C18orf54: variants seen among roughly 807,000 people sequenced by gnomAD.
C18orf54 encodes the protein chromosome 18 open reading frame 54.
Under a neutral mutation model 49.3 loss-of-function variants are expected in C18orf54, and 49 were observed. That is an observed-to-expected ratio of 0.99 (90% CI 0.79 to 1.26). The LOEUF (loss-of-function observed/expected upper bound fraction) is 1.26, where lower values mean the gene tolerates loss of function less well. Ranked by LOEUF, C18orf54 falls within the 50% of genes most tolerant of loss-of-function variation. The pLI is 0.00. For missense variants in C18orf54, 687 were observed against 620.6 expected, an observed-to-expected ratio of 1.11 and a Z score of -1.14; for synonymous variants, 211 against 216.6, an observed-to-expected ratio of 0.97 and a Z score of 0.23.
Position 54,374,277 on chromosome 18 carries a change from C to T in C18orf54, c.1522C>T (p.Leu508Phe), listed in dbSNP as rs2089535082. The T allele has an allele frequency of 1.3e-6, 2 of 1,578,770 alleles. No individual in the cohort carries two copies. Among genetic ancestry groups the T allele is most frequent in the Non-Finnish European group, 1.7e-6 (2 of 1,162,590 alleles). Residue 508 changes from leucine (L) to phenylalanine (F), a missense_variant, in exon 8 of 9, where the codon CTT becomes TTT. Physicochemically the swap from Leu to Phe is conservative, Grantham distance 22. Coordinates refer to ENST00000620105, the MANE Select transcript of C18orf54 (RefSeq NM_001288980.2). ...KESMIPITRS[L>F]QKALHHLSRL... ...AAGTATGATTCCTATTACTAGGTCA[C>T]TTCAGAAGTAAGTATTCTTTACTAA... is the stretch of plus-strand genomic sequence containing the variant.
chr18:54,360,593 A>C lies in C18orf54; in HGVS notation c.21A>C (p.Lys7Asn). The change falls in exon 3 of 9, where the codon AAA becomes AAC. Residue 7 changes from lysine (K) to asparagine (N), a missense_variant. Lys to Asn is a moderately conservative substitution (Grantham distance 94). Coordinates refer to ENST00000620105, the MANE Select transcript of C18orf54 (RefSeq NM_001288980.2). MAKSKT[K>N]HRLCSQESSV... ...AAGCCATGGCGAAATCAAAGACAAA[A>C]CATAGACTTTGTTCTCAGGAATCTT... is the stretch of plus-strand genomic sequence containing the variant. 6.2e-7 allele frequency: 1 copy of C among 1,613,992 alleles called. No homozygotes were observed. The highest frequency in any genetic ancestry group is 1.1e-5 in the South Asian group (1 of 91,080).
Position 54,362,322 on chromosome 18 carries a change from C to A in C18orf54, c.963C>A (p.Ser321=). 1 of 1,536,012 alleles carries A rather than the reference C, an allele frequency of 6.5e-7. No homozygotes were observed. Among genetic ancestry groups the A allele is most frequent in the Non-Finnish European group, 8.7e-7 (1 of 1,146,794 alleles). ...TTGAACCCTCAAACTTTTCAAATTCCTTGAGTGATGATAAAGAATTAGTTA... is the reference window on the plus strand; with the variant it reads ...TTGAACCCTCAAACTTTTCAAATTCATTGAGTGATGATAAAGAATTAGTTA... ...YAFEPSNFSN[S]LSDDKELVNE... The change falls in exon 4 of 9, where the codon TCC becomes TCA. Residue 321 remains serine (S), a synonymous_variant. Transcript: ENST00000620105.
intron 5 of C18orf54, 58 bp downstream of exon 5, chr18:54,362,979 A>G: frequency 6.8e-7 from 1 of 1,472,388 alleles, no homozygotes; most frequent in African/African-American, 1.4e-5. Context: ...TGTCATGCGA[A>G]TATCTGATTT....
rs1568180403 is a variant in C18orf54 at position 54,360,846 on chromosome 18, C to G, written c.274C>G (p.Pro92Ala). ...MSQFCNYIYK[P>A]NNAFENLDHK... ...ACAGTTCTGCAACTATATTTACAAA[C>G]CAAACAATGGTATGCTTTTATTCTT... The change falls in exon 3 of 9, where the codon CCA (proline) becomes GCA (alanine). Residue 92 changes from proline (P) to alanine (A), a missense_variant. By Grantham distance (27) the Pro-to-Ala change is conservative. Coordinates refer to ENST00000620105, the MANE Select transcript of C18orf54 (RefSeq NM_001288980.2). 5 of 1,610,298 alleles carry G rather than the reference C, an allele frequency of 3.1e-6. No individual in the cohort carries two copies. Among genetic ancestry groups the G allele is most frequent in the African/African-American group, 2.7e-5 (2 of 74,838 alleles).
Position 54,358,255 on chromosome 18 carries a change from T to C in C18orf54, c.-144+180T>C, listed in dbSNP as rs185667644. On this transcript the variant is annotated intron_variant, in intron 1 of 8. Coordinates refer to ENST00000620105, the MANE Select transcript of C18orf54 (RefSeq NM_001288980.2). ...CCTGAGGGAGGGCGCTTGTGGAGTCTCTGTGGAAGGAAGAACACTGTAGGG... is the reference window on the plus strand; with the variant it reads ...CCTGAGGGAGGGCGCTTGTGGAGTCCCTGTGGAAGGAAGAACACTGTAGGG... Among the ~76,000 whole-genome samples the C allele has an allele frequency of 1.4e-3, 212 of 151,980 alleles. 3 individuals are homozygous for C. The East Asian group carries it at 0.037, about 27-fold the overall frequency.
At chr18:54,376,311 C>T (rs1370718476) in intron 8 of C18orf54, among the ~76,000 whole-genome samples, 1 of 152,174 alleles carries the variant, frequency 6.6e-6, no homozygotes, top group African/African-American at 2.4e-5. Flanking sequence ...TATGTGTTCT[C>T]TAGGAAGACT....
At chr18:54,362,950 T>G in intron 5 of C18orf54, 29 bp downstream of exon 5, 1 of 1,567,756 alleles carries the variant, frequency 6.4e-7, no homozygotes, top group Non-Finnish European at 8.6e-7. Flanking sequence ...AAAAACTGTT[T>G]AGTTTTCCAA....
rs1338913212 is a variant in C18orf54 at position 54,362,431 on chromosome 18, G to A, written c.1072G>A (p.Gly358Ser). The A allele has an allele frequency of 6.7e-7, 1 of 1,488,112 alleles. No individual in the cohort carries two copies. The highest frequency in any genetic ancestry group is 2.5e-5 in the East Asian group (1 of 40,436). The allele number at this position is 1,488,112 out of a possible 1,614,324, so 92.2% of individuals were successfully genotyped here. ...AGGACAATCCACAAAGCCATTCAGT[G>A]GTAATACTTTGTTTATTGCTTATAG... ...LPGQSTKPFS[G>S]DKIELLILKA... Residue 358 changes from glycine (G) to serine (S), a missense_variant and splice_region_variant, in exon 4 of 9, where the codon GGT (glycine) becomes AGT (serine). Transcript: ENST00000620105.
At chr18:54,377,356 C>G (rs2089593541) in intron 8 of C18orf54, among the ~76,000 whole-genome samples, 1 of 152,146 alleles carries the variant, frequency 6.6e-6, no homozygotes, top group Non-Finnish European at 1.5e-5. Context: ...TCCGGCCCTT[C>G]CTGCACATCT....
rs1339326371 is a variant in C18orf54 at position 54,362,049 on chromosome 18, A to T, written c.690A>T (p.Glu230Asp). ...AATCGTCTTTCAAGGACAGTTCAGA[A>T]CACAGTCTTGAAAAGAATTACCCAA... is the stretch of plus-strand genomic sequence containing the variant. The part of the protein sequence containing the change: ...PKKSSFKDSS[E>D]HSLEKNYPRW... Residue 230 changes from glutamate to aspartate, a missense_variant, in exon 4 of 9, where the codon GAA (glutamate) becomes GAT (aspartate). By Grantham distance (45) the Glu-to-Asp change is conservative (BLOSUM62 2). Coordinates refer to ENST00000620105, the MANE Select transcript of C18orf54 (RefSeq NM_001288980.2). 6.4e-7 allele frequency: 1 copy of T among 1,566,610 alleles called. No homozygotes were observed. Among genetic ancestry groups the T allele is most frequent in the Non-Finnish European group, 8.6e-7 (1 of 1,156,776 alleles).
rs2089255822 is a variant in C18orf54 at position 54,360,861 on chromosome 18, C to G, written c.283+6C>G. 2 of 1,602,262 alleles carry G rather than the reference C, an allele frequency of 1.2e-6. No homozygotes were observed. The highest frequency in any genetic ancestry group is 2.7e-5 in the African/African-American group (2 of 74,550). On this transcript the variant is annotated splice_donor_region_variant and intron_variant, in intron 3 of 8. Transcript: ENST00000620105. ...TATTTACAAACCAAACAATGGTATG[C>G]TTTTATTCTTTGTTTTCTTTGTGTT...
chr18:54,377,467 C>G (rs897602173), intron 8 of C18orf54, among the ~76,000 whole-genome samples: 2 of 151,980 alleles, frequency 1.3e-5, no homozygotes, highest in Non-Finnish European at 2.9e-5. Flanking sequence ...CCTCCAGGAA[C>G]TGAAATATAG....
At chr18:54,378,092 T>TTTAG in intron 8 of C18orf54, 82 bp from the exon 9 acceptor site, 1 of 907,314 alleles carries the variant, frequency 1.1e-6, no homozygotes, top group East Asian at 3.2e-5. Flanking sequence ...AATAGTCAAC[T>TTTAG]TTATTTATTT....
chr18:54,374,102 G>A (rs4940327), intron 7 of C18orf54, 112 bp from the exon 8 acceptor site: 870,325 of 923,880 alleles, frequency 0.94, 410,145 homozygotes, highest in East Asian at 1. Flanking sequence ...AATTAGAATT[G>A]TTTGGAAATG....
rs963335966 is a variant in C18orf54 at position 54,379,184 on chromosome 18, A to G, written c.*938A>G. 6 of 152,120 alleles carry G rather than the reference A, an allele frequency of 3.9e-5. No individual in the cohort carries two copies. Among genetic ancestry groups the G allele is most frequent in the East Asian group, 1.9e-4 (1 of 5,196 alleles). 9.4% of individuals were successfully genotyped at this position (152,120 alleles called of 1,614,324 possible). ...TCTAGCTAGAACTGAACAAAGCTCT[A>G]TAATTTTTACCAAGCACTTATTATT... On this transcript the variant is annotated 3_prime_UTR_variant, in exon 9 of 9. Coordinates refer to ENST00000620105, the MANE Select transcript of C18orf54 (RefSeq NM_001288980.2).
rs529630981 is a variant in C18orf54, at chr18:54,367,315, C to T, written c.1326+1494C>T. On this transcript the variant is annotated intron_variant, in intron 6 of 8. Transcript: ENST00000620105. The stretch of plus-strand genomic sequence containing the variant: ...TATTCTTTTCCTTTGTGTATCTGCT[C>T]TACCAGTAAGTTTTATATTTCCATG... 1.5e-3 allele frequency among the ~76,000 whole-genome samples: 230 copies of T among 152,024 alleles called. 1 individual carries two copies. The highest frequency in any genetic ancestry group is 5.0e-3 in the African/African-American group (207 of 41,500).
At chr18:54,375,584 C>G (rs2089556972) in intron 8 of C18orf54, among the ~76,000 whole-genome samples, 1 of 151,400 alleles carries the variant, frequency 6.6e-6, no homozygotes, top group East Asian at 1.9e-4. Context: ...AGTTAATGTA[C>G]ATATCCTAGA....
intron 5 of C18orf54, among the ~76,000 whole-genome samples, chr18:54,364,951 A>G (rs1242564636): frequency 6.6e-6 from 1 of 152,088 alleles, no homozygotes; most frequent in Non-Finnish European, 1.5e-5. Context: ...TAAGAGAGAA[A>G]TAGGTTGAAT....
chr18:54,362,502 T>C, intron 4 of C18orf54, 71 bp downstream of exon 4: 3 of 1,274,908 alleles, frequency 2.4e-6, no homozygotes, highest in Non-Finnish European at 3.1e-6. Flanking sequence ...GCTGTAAAGT[T>C]GATGTGATAT....
Sources: gnomAD v4.1 joint callset for allele counts (sites outside exome capture counted in the v4.1 genomes callset) on GRCh38, gnomAD v4.1.1 for gene constraint, MANE v1.5 for transcripts, NCBI Gene and HGNC (gene_info 2026-07-23, HGNC 2026-07-21) for gene names.